Variants in ADAMTSL1 observed in about 807,000 individuals in gnomAD.
ADAMTSL1 encodes the protein ADAMTS-like protein 1.
In ADAMTSL1, 126 loss-of-function variants were observed where a neutral mutation model predicts 201.8. The observed-to-expected ratio is 0.62, with a 90% CI of 0.54 to 0.72. ADAMTSL1 has a LOEUF of 0.72. Ranked by LOEUF, ADAMTSL1 falls within the 30% of genes least tolerant of loss-of-function variation. The probability of loss-of-function intolerance (pLI) is 0.00; values close to 1 mark genes in which losing one functional copy is unlikely to be tolerated. For missense variants in ADAMTSL1, 2,679 were observed against 2,277.8 expected, an observed-to-expected ratio of 1.18 and a Z score of -3.59; for synonymous variants, 1,121 against 903.4, an observed-to-expected ratio of 1.24 and a Z score of -4.32.
intron 2 of ADAMTSL1, among the ~76,000 whole-genome samples, chr9:18,217,597 A>G (rs10963524): frequency 0.2 from 31,107 of 152,064 alleles, 3,324 homozygotes; most frequent in East Asian, 0.25. Context: ...AGATATATGG[A>G]CCATGATGGA....
At chr9:18,541,697 AC>A (rs1346700903) in intron 3 of ADAMTSL1, among the ~76,000 whole-genome samples, 3 of 152,074 alleles carry the variant, frequency 2.0e-5, no homozygotes, top group Non-Finnish European at 4.4e-5. Context: ...GCGTTTATTA[AC>A]CTCTCTCAGT....
At chr9:18,803,057 G>C (rs543744646) in intron 20 of ADAMTSL1, among the ~76,000 whole-genome samples, 4 of 152,278 alleles carry the variant, frequency 2.6e-5, no homozygotes, top group Non-Finnish European at 5.9e-5. Context: ...CTGCGTATTT[G>C]CTTTTGCTGC....
At chr9:18,178,838 A>C (rs1380617003) in intron 2 of ADAMTSL1, among the ~76,000 whole-genome samples, 1 of 152,194 alleles carries the variant, frequency 6.6e-6, no homozygotes, top group Non-Finnish European at 1.5e-5. Context: ...AAGGAAAACT[A>C]ACAAACAGAA....
At chr9:18,834,533 T>C (rs147824378) in intron 23 of ADAMTSL1, among the ~76,000 whole-genome samples, 216 of 152,290 alleles carry the variant, frequency 1.4e-3, no homozygotes, top group African/African-American at 5.1e-3. Context: ...GATATATGTA[T>C]ACACCTGTGA....
chr9:18,549,415 A>G (rs961636948), intron 3 of ADAMTSL1, among the ~76,000 whole-genome samples: 4 of 152,026 alleles, frequency 2.6e-5, no homozygotes, highest in African/African-American at 9.7e-5. Context: ...GTCCTGATCT[A>G]CAAAGATGAG....
intron 26 of ADAMTSL1, among the ~76,000 whole-genome samples, chr9:18,896,130 T>C (rs1232155154): frequency 1.1e-4 from 17 of 152,184 alleles, no homozygotes; most frequent in Admixed American, 8.5e-4. Context: ...TTTGAGAGTC[T>C]CAGAAGAAGA....
At chr9:18,763,495 TA>T (rs1218855803) in intron 16 of ADAMTSL1, among the ~76,000 whole-genome samples, 1 of 152,214 alleles carries the variant, frequency 6.6e-6, no homozygotes, top group East Asian at 1.9e-4. Flanking sequence ...AGAAGCTTTT[TA>T]ACTTGTGATT....
At chr9:18,357,552 C>T (rs796938408) in intron 2 of ADAMTSL1, among the ~76,000 whole-genome samples, 7 of 152,152 alleles carry the variant, frequency 4.6e-5, no homozygotes, top group African/African-American at 1.4e-4. Context: ...TTAGCTTAAG[C>T]ATTGCTAGAT....
rs1340708059 is a variant in ADAMTSL1 at position 18,795,503 on chromosome 9, T to C, written c.3784T>C (p.Ser1262Pro). ...CAATGCCTTGGGATACGACTCTGTC[T>C]CCATTGCCGTCACATTAGCAGGTAA... ...ATNALGYDSV[S>P]IAVTLAGKPL... Residue 1262 changes from serine (S) to proline (P), a missense_variant, in exon 20 of 29, where the codon TCC becomes CCC. Transcript: ENST00000380548. 4.3e-6 allele frequency: 7 copies of C among 1,613,250 alleles called. No homozygotes were observed. The highest frequency in any genetic ancestry group is 5.9e-6 in the Non-Finnish European group (7 of 1,179,552).
At chr9:18,602,518 T>G (rs183842719) in intron 4 of ADAMTSL1, among the ~76,000 whole-genome samples, 2 of 152,202 alleles carry the variant, frequency 1.3e-5, no homozygotes, top group Non-Finnish European at 2.9e-5. Context: ...GGGCTTCTAA[T>G]CTGGTTCTGA....
At chr9:18,180,981 G>A (rs1330810288) in intron 2 of ADAMTSL1, among the ~76,000 whole-genome samples, 6 of 151,958 alleles carry the variant, frequency 3.9e-5, no homozygotes, top group South Asian at 2.1e-4. Context: ...AAATAACACC[G>A]CATATCTACA....
chr9:18,674,987 G>A (rs926565810), intron 9 of ADAMTSL1, among the ~76,000 whole-genome samples: 1 of 132,008 alleles, frequency 7.6e-6, no homozygotes, highest in African/African-American at 2.9e-5. Flanking sequence ...TGAAATCAGT[G>A]AAGTAGGTCA....
At chr9:18,056,301 T>C (rs1307229484) in intron 1 of ADAMTSL1, among the ~76,000 whole-genome samples, 2 of 152,154 alleles carry the variant, frequency 1.3e-5, no homozygotes, top group African/African-American at 4.8e-5. Flanking sequence ...AGTGAAGAAA[T>C]CTGAGTTTCT....
chr9:18,378,463 T>C (rs1279861243), intron 2 of ADAMTSL1, among the ~76,000 whole-genome samples: 1 of 152,216 alleles, frequency 6.6e-6, no homozygotes, highest in East Asian at 1.9e-4. Context: ...TTTATTTCTA[T>C]TTTAAAGATG....
chr9:18,412,149 C>G (rs77849882), intron 2 of ADAMTSL1, among the ~76,000 whole-genome samples: 6,156 of 152,286 alleles, frequency 0.04, 150 homozygotes, highest in Middle Eastern at 0.065. Context: ...CTAGTCCCCA[C>G]TTTTCCTGTT....
intron 16 of ADAMTSL1, among the ~76,000 whole-genome samples, chr9:18,765,072 T>C (rs188673153): frequency 3.3e-5 from 5 of 152,380 alleles, no homozygotes; most frequent in Non-Finnish European, 7.3e-5. Context: ...TTTTTCTTTA[T>C]TGCCAAATTC....
At chr9:18,000,361 T>C (rs544886836) in intron 1 of ADAMTSL1, among the ~76,000 whole-genome samples, 2 of 151,974 alleles carry the variant, frequency 1.3e-5, no homozygotes, top group East Asian at 3.9e-4. Context: ...CCCCCCAACA[T>C]AATTATTTTC....
chr9:18,804,865 A>C lies in ADAMTSL1; in HGVS notation c.3805+9341A>C, dbSNP rs147880046. 7.6e-3 allele frequency among the ~76,000 whole-genome samples: 1,157 copies of C among 152,324 alleles called. 10 individuals are homozygous for C. The highest frequency in any genetic ancestry group is 0.01 in the Admixed American group (154 of 15,296). ...TTTCTTTGATATACTCACTCTTTGT[A>C]AGGTATTGTTCATTGATTAAATCTG... On this transcript the variant is annotated intron_variant, in intron 20 of 28. Coordinates refer to ENST00000380548, the MANE Select transcript of ADAMTSL1 (RefSeq NM_001040272.6).
chr9:18,587,009 G>A (rs1032684065), intron 4 of ADAMTSL1, among the ~76,000 whole-genome samples: 4 of 151,984 alleles, frequency 2.6e-5, no homozygotes, highest in South Asian at 4.1e-4. Context: ...GGAAGACAAC[G>A]TAGGCAATAC....
Sources: gnomAD v4.1 joint callset for allele counts (sites outside exome capture counted in the v4.1 genomes callset) on GRCh38, gnomAD v4.1.1 for gene constraint, MANE v1.5 for transcripts, NCBI Gene and HGNC (gene_info 2026-07-23, HGNC 2026-07-21) for gene names.